Variants in ERC2 observed in about 807,000 individuals in gnomAD.
ERC2 encodes the protein ERC protein 2.
A neutral mutation model predicts 114.8 loss-of-function variants in ERC2; 42 were observed. The ratio of observed to expected loss-of-function variants is 0.37; its 90% CI spans 0.29 to 0.47. The LOEUF is 0.47. Ranked by LOEUF, ERC2 falls within the 20% of genes least tolerant of loss-of-function variation. The pLI is 0.99. For missense variants in ERC2, 939 were observed against 1,150.7 expected (o/e 0.82, Z 2.66); for synonymous variants, 454 against 425.5 (o/e 1.07, Z -0.82).
chr3:56,397,184 A>T (rs2060341652), intron 2 of ERC2, among the ~76,000 whole-genome samples: 2 of 152,146 alleles, frequency 1.3e-5, no homozygotes. Context: ...GAGTACAAAA[A>T]GATACAGTTA....
chr3:55,812,434 T>C (rs531274671), intron 14 of ERC2, among the ~76,000 whole-genome samples: 1 of 152,320 alleles, frequency 6.6e-6, no homozygotes, highest in Admixed American at 6.5e-5. Context: ...TATAAACTAA[T>C]CCATCACGCA....
At chr3:56,421,063 C>T (rs569783307) in intron 2 of ERC2, among the ~76,000 whole-genome samples, 4 of 152,164 alleles carry the variant, frequency 2.6e-5, no homozygotes, top group Admixed American at 6.5e-5. Context: ...AATATAACTT[C>T]CAGAATTTCT....
chr3:55,842,737 T>C (rs2061188870), intron 14 of ERC2, among the ~76,000 whole-genome samples: 2 of 152,112 alleles, frequency 1.3e-5, no homozygotes, highest in South Asian at 2.1e-4. Flanking sequence ...ATTTTTGTTT[T>C]CCCAGATCTC....
chr3:55,977,101 G>C (rs1169638755), intron 12 of ERC2, among the ~76,000 whole-genome samples: 1 of 152,218 alleles, frequency 6.6e-6, no homozygotes, highest in Admixed American at 6.5e-5. Context: ...AGAACTGTGA[G>C]AAATACATTT....
chr3:56,383,273 A>C (rs2106748244), intron 2 of ERC2, among the ~76,000 whole-genome samples: 2 of 152,112 alleles, frequency 1.3e-5, no homozygotes, highest in Admixed American at 6.5e-5. Context: ...CTATTCAAAA[A>C]ACCCCCCACT....
chr3:56,218,400 C>G (rs1340401569), intron 3 of ERC2, among the ~76,000 whole-genome samples: 15 of 152,212 alleles, frequency 9.9e-5, no homozygotes, highest in Non-Finnish European at 1.9e-4. Flanking sequence ...TGCTCATCAT[C>G]ACTGGCCATC....
At chr3:56,130,496 T>C (rs1454358626) in intron 6 of ERC2, among the ~76,000 whole-genome samples, 1 of 152,220 alleles carries the variant, frequency 6.6e-6, no homozygotes. Flanking sequence ...TGAACACCTG[T>C]GTTTATAAAG....
chr3:56,424,489 C>G (rs575778861), intron 2 of ERC2, among the ~76,000 whole-genome samples: 12 of 152,230 alleles, frequency 7.9e-5, no homozygotes, highest in Admixed American at 7.8e-4. Context: ...ATTCTAGGGC[C>G]GACTGCAAGA....
chr3:55,989,896 T>G (rs1460161926), intron 11 of ERC2, among the ~76,000 whole-genome samples: 1 of 152,144 alleles, frequency 6.6e-6, no homozygotes, highest in Non-Finnish European at 1.5e-5. Context: ...ATCTAGGGCA[T>G]CCTCCACATA....
chr3:55,608,301 C>T (rs2058732361), intron 17 of ERC2, among the ~76,000 whole-genome samples: 1 of 152,188 alleles, frequency 6.6e-6, no homozygotes, highest in Non-Finnish European at 1.5e-5. Flanking sequence ...GCTTCTTAAC[C>T]TATGACAACA....
chr3:55,751,069 T>G (rs1271103587), intron 14 of ERC2, among the ~76,000 whole-genome samples: 1 of 152,236 alleles, frequency 6.6e-6, no homozygotes, highest in Non-Finnish European at 1.5e-5. Flanking sequence ...TTCCACGGTC[T>G]GGAAAACATT....
At chr3:55,844,617 G>A (rs2061273993) in intron 14 of ERC2, among the ~76,000 whole-genome samples, 1 of 152,274 alleles carries the variant, frequency 6.6e-6, no homozygotes, top group Non-Finnish European at 1.5e-5. Context: ...AGTTACATGG[G>A]TGTGTTCACT....
intron 6 of ERC2, among the ~76,000 whole-genome samples, chr3:56,126,807 GAAGGAAAGGAAAGGA>G (rs772412464): frequency 1.9e-4 from 20 of 107,460 alleles, no homozygotes; most frequent in East Asian, 1.0e-3. Flanking sequence ...AAAGGAAAGG[GAAGGAAAGGAAAGGA>G]AAGGAAAGGA....
chr3:55,930,619 A>C (rs1362714240), intron 13 of ERC2, among the ~76,000 whole-genome samples: 1 of 152,222 alleles, frequency 6.6e-6, no homozygotes, highest in African/African-American at 2.4e-5. Context: ...TGGATTAAAG[A>C]GTTAAACGTA....
At chr3:56,067,034 A>T (rs968120198) in intron 7 of ERC2, among the ~76,000 whole-genome samples, 1 of 151,978 alleles carries the variant, frequency 6.6e-6, no homozygotes, top group Non-Finnish European at 1.5e-5. Context: ...CTACATAGGC[A>T]TGGGCTCTTT....
At chr3:56,162,334 G>A (rs1011608883) in intron 4 of ERC2, among the ~76,000 whole-genome samples, 1 of 152,072 alleles carries the variant, frequency 6.6e-6, no homozygotes, top group Non-Finnish European at 1.5e-5. Flanking sequence ...ATACTGCCCT[G>A]TAGTTTTCTT....
intron 13 of ERC2, among the ~76,000 whole-genome samples, chr3:55,937,711 A>T (rs1378816430): frequency 6.6e-6 from 1 of 152,250 alleles, no homozygotes; most frequent in Non-Finnish European, 1.5e-5. Flanking sequence ...CTAAACTGAT[A>T]ATATAAATGT....
intron 13 of ERC2, among the ~76,000 whole-genome samples, chr3:55,913,955 C>T (rs988974786): frequency 3.3e-5 from 5 of 152,130 alleles, no homozygotes; most frequent in African/African-American, 1.2e-4. Context: ...TAGATTGAAG[C>T]GGGACTTTCC....
chr3:56,129,958 T>C (rs911251357), intron 6 of ERC2, among the ~76,000 whole-genome samples: 2 of 152,158 alleles, frequency 1.3e-5, no homozygotes, highest in Non-Finnish European at 2.9e-5. Flanking sequence ...TTTGTTCCAC[T>C]GGAAAAATAA....
Sources: allele counts gnomAD v4.1 joint callset (sites outside exome capture counted in the v4.1 genomes callset), GRCh38; gene constraint gnomAD v4.1.1; transcripts MANE v1.5; gene names NCBI Gene and HGNC (gene_info 2026-07-23, HGNC 2026-07-21).